EPB41L5: variants seen among roughly 807,000 people sequenced by gnomAD.
EPB41L5 encodes the protein band 4.1-like protein 5.
EPB41L5 carries 55 observed loss-of-function variants against 106.6 expected under a neutral mutation model. That is an observed-to-expected ratio of 0.52 (90% CI 0.42 to 0.65). The LOEUF (loss-of-function observed/expected upper bound fraction) is 0.65, where lower values mean the gene tolerates loss of function less well. Ranked by LOEUF, EPB41L5 falls within the 30% of genes least tolerant of loss-of-function variation. EPB41L5 has a pLI of 0.00. For missense variants in EPB41L5, 871 were observed against 882.1 expected, an observed-to-expected ratio of 0.99 and a Z score of 0.16; for synonymous variants, 297 against 306.7, an observed-to-expected ratio of 0.97 and a Z score of 0.33.
chr2:120,127,573 C>A, intron 16 of EPB41L5, 115 bp from the exon 17 acceptor site: 2 of 755,292 alleles, frequency 2.6e-6, no homozygotes, highest in Admixed American at 2.7e-5. Context: ...ATTTTTGATT[C>A]ATGGTTGCTT....
chr2:120,114,454 G>A (rs1042693744), intron 16 of EPB41L5, among the ~76,000 whole-genome samples: 1 of 152,202 alleles, frequency 6.6e-6, no homozygotes. Context: ...GCAGGCTAAT[G>A]TAAGTGTTCT....
In EPB41L5 at chr2:120,178,639, C is replaced by T. The variant is rs1043957228; in HGVS notation, c.*3732C>T. ...GTCAGAAGAAAGTTGGAAACTTTTCCTACATATTAGGCGTTAGTATGAGGA... is the reference window on the plus strand; with the variant it reads ...GTCAGAAGAAAGTTGGAAACTTTTCTTACATATTAGGCGTTAGTATGAGGA... On this transcript the variant is annotated 3_prime_UTR_variant, in exon 25 of 25. Coordinates refer to ENST00000263713, the MANE Select transcript of EPB41L5 (RefSeq NM_020909.4). 6.6e-6 allele frequency: 1 copy of T among 152,210 alleles called. No individual in the cohort carries two copies. The highest frequency in any genetic ancestry group is 1.5e-5 in the Non-Finnish European group (1 of 68,038). The allele number at this position is 152,210 out of a possible 1,614,324, so 9.4% of individuals were successfully genotyped here. A position where few individuals can be genotyped will look rare whatever the true frequency, so the allele number is the denominator to read the frequency against.
At chr2:120,116,111 T>G (rs1278935731) in intron 16 of EPB41L5, among the ~76,000 whole-genome samples, 1 of 152,086 alleles carries the variant, frequency 6.6e-6, no homozygotes, top group Non-Finnish European at 1.5e-5. Context: ...CTGCCCAGCC[T>G]ACAATTAACA....
At chr2:120,128,068 C>T (rs1377278436) in intron 17 of EPB41L5, 8 of 357,420 alleles carry the variant, frequency 2.2e-5, no homozygotes, top group Non-Finnish European at 3.0e-5. Flanking sequence ...ATTTATAAGA[C>T]ATTAAACATT....
chr2:120,073,226 T>A lies in EPB41L5; in HGVS notation c.328+6T>A, dbSNP rs1289524884. ...CATCAAAAAGCAAGTAAAAAGTAAG[T>A]GCAGACAAAATTATTTGTGGGGGGG... On this transcript the variant is annotated splice_donor_region_variant and intron_variant, in intron 4 of 24. Transcript: ENST00000263713. 4 of 1,607,684 alleles carry A rather than the reference T, an allele frequency of 2.5e-6. No individual in the cohort carries two copies. The highest frequency in any genetic ancestry group is 3.4e-6 in the Non-Finnish European group (4 of 1,177,822).
chr2:120,098,156 T>TGTGTGTGTGTGTGTGTGTG (rs146897019), intron 14 of EPB41L5, among the ~76,000 whole-genome samples: 2 of 133,728 alleles, frequency 1.5e-5, no homozygotes, highest in Non-Finnish European at 3.1e-5. Context: ...ATTGTTTGTT[T>TGTGTGTGTGTGTGTGTGTG]TGTGTGTGTG....
At chr2:120,044,148 A>G (rs918283305) in intron 3 of EPB41L5, among the ~76,000 whole-genome samples, 2 of 152,032 alleles carry the variant, frequency 1.3e-5, no homozygotes, top group African/African-American at 4.8e-5. Context: ...TCTTAAAAAA[A>G]AAAAAAAAAG....
chr2:120,131,655 G>A lies in EPB41L5; in HGVS notation c.1539G>A (p.Glu513=). 6.2e-7 allele frequency: 1 copy of A among 1,613,608 alleles called. No homozygotes were observed. Among genetic ancestry groups the A allele is most frequent in the Non-Finnish European group, 8.5e-7 (1 of 1,179,850 alleles). ...KDTSEKLKQL[E]MENSPLLSPR... Reference sequence around the variant, plus strand: ...CCTCAGAGAAGCTCAAACAGCTTGAGATGGAGAACAGTCCTTTGCTGTCCC... The same window carrying A: ...CCTCAGAGAAGCTCAAACAGCTTGAAATGGAGAACAGTCCTTTGCTGTCCC... Residue 513 remains glutamate, a synonymous_variant, in exon 18 of 25, where the codon GAG becomes GAA. Coordinates refer to ENST00000263713, the MANE Select transcript of EPB41L5 (RefSeq NM_020909.4).
chr2:120,102,455 G>T (rs1684204367), intron 16 of EPB41L5, among the ~76,000 whole-genome samples: 1 of 151,922 alleles, frequency 6.6e-6, no homozygotes, highest in Admixed American at 6.6e-5. Context: ...ACTGAATATA[G>T]AGCTGGCATG....
At chr2:120,077,159 G>A in intron 8 of EPB41L5, 68 bp downstream of exon 8, 1 of 1,583,306 alleles carries the variant, frequency 6.3e-7, no homozygotes, top group Non-Finnish European at 8.6e-7. Context: ...ATTTTCTTCT[G>A]TTTCTATCCT....
At chr2:120,158,667 G>C (rs1346293566) in intron 20 of EPB41L5, among the ~76,000 whole-genome samples, 1 of 152,166 alleles carries the variant, frequency 6.6e-6, no homozygotes, top group Non-Finnish European at 1.5e-5. Flanking sequence ...CATTCCCCTT[G>C]AGAACTGGCA....
intron 16 of EPB41L5, among the ~76,000 whole-genome samples, chr2:120,102,757 A>G (rs1684224915): frequency 6.6e-6 from 1 of 152,198 alleles, no homozygotes; most frequent in African/African-American, 2.4e-5. Flanking sequence ...CACCATTATT[A>G]GAGCAAATGA....
intron 10 of EPB41L5, 135 bp downstream of exon 10, chr2:120,078,716 C>T (rs757934377): frequency 3.6e-5 from 20 of 555,656 alleles, no homozygotes; most frequent in Non-Finnish European, 5.7e-5. Context: ...TCTCCTGTCA[C>T]ACTATTACGC....
chr2:120,063,466 C>CT (rs1243195374), intron 3 of EPB41L5, among the ~76,000 whole-genome samples: 1 of 151,638 alleles, frequency 6.6e-6, no homozygotes, highest in Non-Finnish European at 1.5e-5. Context: ...AGATTATGTA[C>CT]TTTATCTCTG....
chr2:120,067,716 A>G (rs1421779518), intron 3 of EPB41L5, among the ~76,000 whole-genome samples: 2 of 152,212 alleles, frequency 1.3e-5, no homozygotes, highest in Admixed American at 6.5e-5. Flanking sequence ...AGGTTCTTTT[A>G]AAGAGTACTA....
chr2:120,087,289 T>G, intron 11 of EPB41L5, 49 bp downstream of exon 11: 1 of 1,113,998 alleles, frequency 9.0e-7, no homozygotes, highest in East Asian at 2.4e-5. Flanking sequence ...GACTGTATTA[T>G]GTGGTAACTT....
chr2:120,127,609 C>T (rs921415970), intron 16 of EPB41L5, 79 bp from the exon 17 acceptor site: 108 of 1,124,784 alleles, frequency 9.6e-5, no homozygotes, highest in Middle Eastern at 8.7e-4. Flanking sequence ...GTGGAAATTG[C>T]AGATACAGAG....
intron 20 of EPB41L5, among the ~76,000 whole-genome samples, chr2:120,153,735 A>G (rs1010447632): frequency 1.3e-5 from 2 of 152,140 alleles, no homozygotes; most frequent in African/African-American, 4.8e-5. Flanking sequence ...TCTTTTATCA[A>G]TGTATAATGT....
At position 120,106,516 on chromosome 2, in the gene EPB41L5, G is replaced by A. The variant is rs552173357; in HGVS notation, c.1337+5702G>A. ...CTAAAGAGTCAGTGATGATAAATTC[G>A]GAATTAGAGAAGTAATAACCTCCAG... On this transcript the variant is annotated intron_variant, in intron 16 of 24. Transcript: ENST00000263713. The A allele has an allele frequency of 5.1e-5, 50 of 985,232 alleles. 1 individual carries two copies. In the South Asian group the frequency reaches 1.6e-3, roughly 31 times the overall value. The allele number at this position is 985,232 out of a possible 1,614,324, so 61.0% of individuals were successfully genotyped here.
Sources: gnomAD v4.1 joint callset for allele counts (sites outside exome capture counted in the v4.1 genomes callset) on GRCh38, gnomAD v4.1.1 for gene constraint, MANE v1.5 for transcripts, NCBI Gene and HGNC (gene_info 2026-07-23, HGNC 2026-07-21) for gene names.